SNTB2: variants seen among roughly 807,000 people sequenced by gnomAD.
SNTB2 encodes the protein beta-2-syntrophin.
Under a neutral mutation model 46.2 loss-of-function variants are expected in SNTB2, and 34 were observed. The observed-to-expected ratio is 0.74, with a 90% CI of 0.56 to 0.98. The LOEUF (loss-of-function observed/expected upper bound fraction) is 0.98. Ranked by LOEUF, SNTB2 falls within the 50% of genes least tolerant of loss-of-function variation. The pLI is 0.00. For synonymous variants in SNTB2, 290 were observed against 312.6 expected, an observed-to-expected ratio of 0.93 and a Z score of 0.76; for missense variants, 603 against 731.4, an observed-to-expected ratio of 0.82 and a Z score of 2.02.
chr16:69,279,719 G>A lies in SNTB2; in HGVS notation c.1149-4329G>A, dbSNP rs535780945. 8.8e-4 allele frequency among the ~76,000 whole-genome samples: 132 copies of A among 150,844 alleles called. 1 individual carries two copies. The highest frequency in any genetic ancestry group is 2.8e-3 in the African/African-American group (117 of 41,136). On this transcript the variant is annotated intron_variant, in intron 4 of 6. Transcript: ENST00000336278. ...TTTTTGTATTTTTTTTAATAGAGACGGGGTTTCACCGTGTTAGCCAGGATG... is the reference window on the plus strand; with the variant it reads ...TTTTTGTATTTTTTTTAATAGAGACAGGGTTTCACCGTGTTAGCCAGGATG...
At chr16:69,251,199 C>T (rs746721638) in intron 2 of SNTB2, among the ~76,000 whole-genome samples, 45 of 150,880 alleles carry the variant, frequency 3.0e-4, no homozygotes, top group Non-Finnish European at 5.5e-4. Flanking sequence ...GGGATGGTCT[C>T]GATCTGCTGA....
At chr16:69,251,932 A>C (rs1282523025) in intron 2 of SNTB2, among the ~76,000 whole-genome samples, 1 of 152,232 alleles carries the variant, frequency 6.6e-6, no homozygotes, top group Non-Finnish European at 1.5e-5. Context: ...CTAAAAATAA[A>C]ACAATAAAAT....
At chr16:69,255,554 C>A (rs1302793833) in intron 2 of SNTB2, among the ~76,000 whole-genome samples, 1 of 142,914 alleles carries the variant, frequency 7.0e-6, no homozygotes, top group Admixed American at 6.9e-5. Context: ...AGCCAGACTC[C>A]GTCTTAAAAA....
Position 69,284,145 on chromosome 16 carries a change from C to A in SNTB2, c.1246C>A (p.Leu416Ile). The A allele has an allele frequency of 6.2e-7, 1 of 1,614,000 alleles. No homozygotes were observed. Among genetic ancestry groups the A allele is most frequent in the Non-Finnish European group, 8.5e-7 (1 of 1,179,994 alleles). ...TGSRQGIEMH[L>I]FRVETHRDLS... Reference sequence around the variant, plus strand: ...CTCTCGACAGGGCATTGAGATGCATCTCTTCAGGGTGGAGACACATCGGGA... The same window carrying A: ...CTCTCGACAGGGCATTGAGATGCATATCTTCAGGGTGGAGACACATCGGGA... The change falls in exon 5 of 7, where the codon CTC (leucine) becomes ATC (isoleucine). Residue 416 changes from leucine to isoleucine, a missense_variant. Physicochemically the swap from Leu to Ile is conservative, Grantham distance 5. This residue lies in a region of SNTB2 where 537 missense variants were observed against 692.4 expected (regional missense o/e 0.78). Transcript: ENST00000336278.
At chr16:69,241,710 G>A (rs1280741818) in intron 1 of SNTB2, 2 of 151,636 alleles carry the variant, frequency 1.3e-5, no homozygotes, top group Non-Finnish European at 2.9e-5. Flanking sequence ...CGGGTGGATT[G>A]TTTGAGCTCA....
At position 69,308,679 on chromosome 16, in the gene SNTB2, T is replaced by A. The variant is rs1452218471; in HGVS notation, c.*7755T>A. 1 of 152,234 alleles carries A rather than the reference T, an allele frequency of 6.6e-6. No homozygotes were observed. The highest frequency in any genetic ancestry group is 1.5e-5 in the Non-Finnish European group (1 of 68,044). The allele number at this position is 152,234 out of a possible 1,614,324, so 9.4% of individuals were successfully genotyped here. A position where few individuals can be genotyped will look rare whatever the true frequency, so the allele number is the denominator to read the frequency against. ...TGCTTTCATTTTTAAGTATAAAGAC[T>A]TAGAAAACTAGAATAATGCTTTTAC... is the stretch of plus-strand genomic sequence containing the variant. On this transcript the variant is annotated 3_prime_UTR_variant, in exon 7 of 7. Transcript: ENST00000336278.
intron 1 of SNTB2, among the ~76,000 whole-genome samples, chr16:69,212,927 C>T (rs931879381): frequency 6.6e-6 from 1 of 152,226 alleles, no homozygotes. Flanking sequence ...GCCACCTTGC[C>T]CAGCCTATGT....
chr16:69,225,524 G>A (rs1964450069), intron 1 of SNTB2, among the ~76,000 whole-genome samples: 1 of 152,122 alleles, frequency 6.6e-6, no homozygotes, highest in Non-Finnish European at 1.5e-5. Flanking sequence ...ATTTTTCAGT[G>A]ATTTTATTTT....
In SNTB2 at chr16:69,297,306, C is replaced by CA. The variant is rs60543622; in HGVS notation, c.1346-2256dup. 1.2e-3 allele frequency among the ~76,000 whole-genome samples: 57 copies of CA among 45,720 alleles called. 3 individuals are homozygous for CA. The highest frequency in any genetic ancestry group is 1.9e-3 in the African/African-American group (19 of 10,164). 30.0% of individuals were successfully genotyped at this position (45,720 alleles called of 152,430 possible). A position where few individuals can be genotyped will look rare whatever the true frequency, so the allele number is the denominator to read the frequency against. ...TAGGTGACACAGCAAGATTCTATCTCAAAAAAAAAAAAAAAAAAAAAAAAA... is the reference window on the plus strand; with the variant it reads ...TAGGTGACACAGCAAGATTCTATCTCAAAAAAAAAAAAAAAAAAAAAAAAAA... On this transcript the variant is annotated intron_variant, in intron 5 of 6. Transcript: ENST00000336278.
chr16:69,195,272 GTTA>G (rs925009067), intron 1 of SNTB2, among the ~76,000 whole-genome samples: 4 of 152,062 alleles, frequency 2.6e-5, no homozygotes, highest in South Asian at 2.1e-4. Flanking sequence ...TCTATTTGTT[GTTA>G]TTATTTTTTT....
Position 69,187,336 on chromosome 16 carries a change from C to T in SNTB2, c.170C>T (p.Ala57Val). ...AGCCTGACGGGCGACGCCGCCGCGG[C>T]CGAGCTGGAGCCCGCTCTGGGACCC... is the stretch of plus-strand genomic sequence containing the variant. ...SLSLTGDAAAAELEPALGPAA... is the reference protein window; with the variant it reads ...SLSLTGDAAAVELEPALGPAA... Residue 57 changes from alanine to valine, a missense_variant, in exon 1 of 7, where the codon GCC (alanine) becomes GTC (valine). This residue lies in a region of SNTB2 where 537 missense variants were observed against 692.4 expected (regional missense o/e 0.78). Coordinates refer to ENST00000336278, the MANE Select transcript of SNTB2 (RefSeq NM_006750.4). The T allele has an allele frequency of 6.9e-7, 1 of 1,446,726 alleles. No individual in the cohort carries two copies. The highest frequency in any genetic ancestry group is 9.1e-7 in the Non-Finnish European group (1 of 1,101,768). 89.6% of individuals were successfully genotyped at this position (1,446,726 alleles called of 1,614,324 possible).
chr16:69,193,652 A>G (rs190264949), intron 1 of SNTB2, among the ~76,000 whole-genome samples: 71 of 152,218 alleles, frequency 4.7e-4, no homozygotes, highest in Admixed American at 1.3e-3. Flanking sequence ...GGTAAGATGA[A>G]TTGATCAACT....
chr16:69,299,004 T>C (rs1965254090), intron 5 of SNTB2, among the ~76,000 whole-genome samples: 1 of 152,222 alleles, frequency 6.6e-6, no homozygotes. Flanking sequence ...CTGTGCCTCT[T>C]ACTTCTCTAG....
chr16:69,211,168 A>G (rs1356687760), intron 1 of SNTB2, among the ~76,000 whole-genome samples: 1 of 152,064 alleles, frequency 6.6e-6, no homozygotes, highest in Non-Finnish European at 1.5e-5. Context: ...CCCAATAAAT[A>G]TAAAATTGTT....
chr16:69,302,317 T>C lies in SNTB2; in HGVS notation c.*1393T>C, dbSNP rs957357380. 1 of 152,158 alleles carries C rather than the reference T, an allele frequency of 6.6e-6. No individual in the cohort carries two copies. Among genetic ancestry groups the C allele is most frequent in the Non-Finnish European group, 1.5e-5 (1 of 68,022 alleles). The allele number at this position is 152,158 out of a possible 1,614,324, so 9.4% of individuals were successfully genotyped here. On this transcript the variant is annotated 3_prime_UTR_variant, in exon 7 of 7. Transcript: ENST00000336278. ...ATATATCTGCAAACATTTAAAATGG[T>C]ATAATATCATATAAAATGTCAAAAT...
chr16:69,291,346 G>A (rs1965157379), intron 5 of SNTB2, among the ~76,000 whole-genome samples: 1 of 152,132 alleles, frequency 6.6e-6, no homozygotes, highest in African/African-American at 2.4e-5. Context: ...AGGACCTGTA[G>A]CATAGAACTC....
intron 6 of SNTB2, 94 bp from the exon 7 acceptor site, chr16:69,300,738 T>C: frequency 1.1e-6 from 1 of 879,896 alleles, no homozygotes; most frequent in Non-Finnish European, 1.9e-6. Context: ...TCTGGCACAT[T>C]CTTTACCTAC....
intron 1 of SNTB2, among the ~76,000 whole-genome samples, chr16:69,199,595 CAAAA>C (rs60011703): frequency 2.6e-5 from 2 of 76,830 alleles, no homozygotes; most frequent in Non-Finnish European, 2.6e-5. Flanking sequence ...AACACTGCCT[CAAAA>C]AAAAAAAAAA....
chr16:69,239,393 T>C (rs577291831), intron 1 of SNTB2, among the ~76,000 whole-genome samples: 2 of 152,294 alleles, frequency 1.3e-5, no homozygotes, highest in East Asian at 3.9e-4. Context: ...GTTCTATGAA[T>C]CTGGACACAT....
Sources: allele counts gnomAD v4.1 joint callset (sites outside exome capture counted in the v4.1 genomes callset), GRCh38; gene constraint gnomAD v4.1.1; regional missense constraint gnomAD v4.1.1; transcripts MANE v1.5; gene names NCBI Gene and HGNC (gene_info 2026-07-23, HGNC 2026-07-21).